Variants in KSR2 observed in about 807,000 individuals in gnomAD.
KSR2 encodes kinase suppressor of ras 2.
A neutral mutation model predicts 107.8 loss-of-function variants in KSR2; 25 were observed. That is an observed-to-expected ratio of 0.23 (90% CI 0.17 to 0.32). The LOEUF (loss-of-function observed/expected upper bound fraction) is 0.32. Ranked by LOEUF, KSR2 falls within the 10% of genes least tolerant of loss-of-function variation. The probability of loss-of-function intolerance (pLI) is 1.00; values close to 1 mark genes in which losing one functional copy is unlikely to be tolerated. For missense variants in KSR2, 887 were observed against 1,268.9 expected, an observed-to-expected ratio of 0.70 and a Z score of 4.57; for synonymous variants, 480 against 507.0, an observed-to-expected ratio of 0.95 and a Z score of 0.71.
intron 14 of KSR2, among the ~76,000 whole-genome samples, chr12:117,513,383 G>A (rs527824106): frequency 1.1e-4 from 17 of 152,194 alleles, no homozygotes; most frequent in Non-Finnish European, 2.2e-4. Flanking sequence ...AAGCTGAGCA[G>A]TGATCAAGCA....
intron 4 of KSR2, among the ~76,000 whole-genome samples, chr12:117,688,677 T>C (rs909231799): frequency 3.3e-5 from 5 of 152,156 alleles, no homozygotes; most frequent in Middle Eastern, 3.2e-3. Flanking sequence ...GTTTAGTCCA[T>C]AGAGGCTCGA....
intron 1 of KSR2, among the ~76,000 whole-genome samples, chr12:117,958,457 G>A (rs368652783): frequency 1.5e-4 from 23 of 152,210 alleles, no homozygotes; most frequent in Admixed American, 1.0e-3. Flanking sequence ...CCACAAGGAC[G>A]TCCACTGTGG....
rs1279033023 is a variant in KSR2, at chr12:117,826,957, C to T, written c.472+28471G>A. 2.0e-5 allele frequency among the ~76,000 whole-genome samples: 3 copies of T among 149,038 alleles called. No homozygotes were observed. The Admixed American group carries it at 2.0e-4, about 10-fold the overall frequency. On this transcript the variant is annotated intron_variant, in intron 3 of 19. Coordinates refer to ENST00000339824, the MANE Select transcript of KSR2 (RefSeq NM_173598.6). ...AAAAAATTAGCCGGGCATAGAGGCA[C>T]GTGCCTGTAGTCTCAGCTAGTGAGC...
chr12:117,527,631 T>C (rs1168518095), intron 12 of KSR2, among the ~76,000 whole-genome samples: 2 of 152,178 alleles, frequency 1.3e-5, no homozygotes, highest in African/African-American at 2.4e-5. Flanking sequence ...GACTATTTAA[T>C]AGATGTGTGT....
At chr12:117,766,910 G>A (rs377098273) in intron 3 of KSR2, among the ~76,000 whole-genome samples, 1 of 151,706 alleles carries the variant, frequency 6.6e-6, no homozygotes, top group Non-Finnish European at 1.5e-5. Context: ...GTGAGACAGA[G>A]TCTTGCTCTG....
intron 4 of KSR2, among the ~76,000 whole-genome samples, chr12:117,726,351 A>G (rs1026750770): frequency 6.6e-6 from 1 of 152,236 alleles, no homozygotes; most frequent in Non-Finnish European, 1.5e-5. Context: ...GCAAAACACG[A>G]TAACATTTCA....
intron 14 of KSR2, among the ~76,000 whole-genome samples, chr12:117,510,741 GGTGGCATGTGCCT>G (rs1294798260): frequency 6.6e-6 from 1 of 152,078 alleles, no homozygotes; most frequent in Non-Finnish European, 1.5e-5. Context: ...AGCCAGGCAT[GGTGGCATGTGCCT>G]GTGGTCCCAA....
At chr12:117,723,824 T>C (rs534959198) in intron 4 of KSR2, among the ~76,000 whole-genome samples, 31 of 152,270 alleles carry the variant, frequency 2.0e-4, no homozygotes, top group African/African-American at 6.7e-4. Context: ...AAAAATCTAA[T>C]ACGGGATTTT....
At chr12:117,560,198 C>A (rs2137357267) in intron 7 of KSR2, among the ~76,000 whole-genome samples, 1 of 152,194 alleles carries the variant, frequency 6.6e-6, no homozygotes, top group Non-Finnish European at 1.5e-5. Flanking sequence ...TGAATCAGTA[C>A]TTGGAGGCTA....
Position 117,636,718 on chromosome 12 carries a change from T to A in KSR2, c.1171+30756A>T, listed in dbSNP as rs548352132. Among the ~76,000 whole-genome samples, 6 of 152,312 alleles carry A rather than the reference T, an allele frequency of 3.9e-5. No individual in the cohort carries two copies. In the South Asian group the frequency reaches 1.2e-3, roughly 32 times the overall value. ...ACTTCACAGATTTTAGAAGAATATA[T>A]AGAACAATACGTTTATGACCTCAGG... On this transcript the variant is annotated intron_variant, in intron 5 of 19. Transcript: ENST00000339824.
At chr12:117,831,211 G>A (rs982800184) in intron 3 of KSR2, among the ~76,000 whole-genome samples, 16 of 152,144 alleles carry the variant, frequency 1.1e-4, no homozygotes, top group African/African-American at 3.9e-4. Flanking sequence ...AGGAAGTTTG[G>A]ATTATTTTTT....
intron 4 of KSR2, among the ~76,000 whole-genome samples, chr12:117,721,859 C>T (rs4766870): frequency 0.38 from 57,624 of 151,684 alleles, 11,058 homozygotes; most frequent in Middle Eastern, 0.49. Context: ...AGACTAACAT[C>T]GGTAGCCGTA....
rs55772468 is a variant in KSR2 at position 117,686,215 on chromosome 12, A to ATTTTTTTTTTTT, written c.987-18569_987-18558dup. On this transcript the variant is annotated intron_variant, in intron 4 of 19. Coordinates refer to ENST00000339824, the MANE Select transcript of KSR2 (RefSeq NM_173598.6). The stretch of plus-strand genomic sequence containing the variant: ...AGGCACACACCACCACACCCAGCTA[A>ATTTTTTTTTTTT]TTTTTTTTTTTTTTTTTTTTTTTTT... 1.7e-3 allele frequency among the ~76,000 whole-genome samples: 133 copies of ATTTTTTTTTTTT among 78,024 alleles called. 8 individuals are homozygous for ATTTTTTTTTTTT. Among genetic ancestry groups the ATTTTTTTTTTTT allele is most frequent in the African/African-American group, 7.8e-3 (114 of 14,690 alleles). The allele number at this position is 78,024 out of a possible 152,430, so 51.2% of individuals were successfully genotyped here.
At chr12:117,590,449 T>TA (rs1307409518) in intron 5 of KSR2, among the ~76,000 whole-genome samples, 1 of 152,202 alleles carries the variant, frequency 6.6e-6, no homozygotes, top group Admixed American at 6.5e-5. Context: ...GTTTCTCCTA[T>TA]AAAAAAAGTG....
At chr12:117,576,085 G>C (rs571888262) in intron 7 of KSR2, among the ~76,000 whole-genome samples, 79 of 151,936 alleles carry the variant, frequency 5.2e-4, no homozygotes, top group Non-Finnish European at 1.1e-3. Flanking sequence ...CTAAGGCTTT[G>C]CTCATGACTT....
At chr12:117,557,170 A>G (rs978777469) in intron 8 of KSR2, among the ~76,000 whole-genome samples, 5 of 152,176 alleles carry the variant, frequency 3.3e-5, no homozygotes, top group Non-Finnish European at 7.3e-5. Flanking sequence ...ATCTCAAAAA[A>G]CATTGAATAA....
At chr12:117,671,129 T>G (rs576550110) in intron 4 of KSR2, among the ~76,000 whole-genome samples, 1 of 152,346 alleles carries the variant, frequency 6.6e-6, no homozygotes, top group South Asian at 2.1e-4. Flanking sequence ...TACCCTCTGT[T>G]GCTTTGCCTG....
intron 4 of KSR2, among the ~76,000 whole-genome samples, chr12:117,722,683 C>T (rs1757669969): frequency 6.6e-6 from 1 of 152,198 alleles, no homozygotes; most frequent in African/African-American, 2.4e-5. Context: ...AAATGGGCAA[C>T]CAGTAGCCCT....
rs1027949094 is a variant in KSR2 at position 117,467,045 on chromosome 12, G to A, written c.*154C>T. 39 of 494,038 alleles carry A rather than the reference G, an allele frequency of 7.9e-5. No homozygotes were observed. Among genetic ancestry groups the A allele is most frequent in the African/African-American group, 7.0e-4 (35 of 49,710 alleles). 30.6% of individuals were successfully genotyped at this position (494,038 alleles called of 1,614,324 possible). On this transcript the variant is annotated 3_prime_UTR_variant, in exon 20 of 20. Transcript: ENST00000339824. ...AAAGGGCTCAAGTCTGAGGTGCAGG[G>A]AGGCCGCCGAGCAGTTGTCCAGTGC...
Sources: allele counts gnomAD v4.1 joint callset (sites outside exome capture counted in the v4.1 genomes callset), GRCh38; gene constraint gnomAD v4.1.1; transcripts MANE v1.5; gene names NCBI Gene and HGNC (gene_info 2026-07-23, HGNC 2026-07-21).